RAB11FIP2: variants seen among roughly 807,000 people sequenced by gnomAD.
RAB11FIP2 encodes rab11 family-interacting protein 2.
RAB11FIP2 carries 16 observed loss-of-function variants against 40.9 expected under a neutral mutation model. The ratio of observed to expected loss-of-function variants is 0.39; its 90% CI spans 0.26 to 0.59. RAB11FIP2 has a LOEUF of 0.59. Among genes scored for constraint, RAB11FIP2 ranks in the 20% least tolerant of loss-of-function variants. The probability of loss-of-function intolerance (pLI) is 0.53; values close to 1 mark genes in which losing one functional copy is unlikely to be tolerated. For synonymous variants in RAB11FIP2, 228 were observed against 213.7 expected (o/e 1.07, Z -0.58); for missense variants, 532 against 606.2 (o/e 0.88, Z 1.28).
chr10:118,028,097 T>C (rs1036089888), intron 3 of RAB11FIP2, among the ~76,000 whole-genome samples: 2 of 152,140 alleles, frequency 1.3e-5, no homozygotes, highest in Admixed American at 6.5e-5. Context: ...TCATCCCCCA[T>C]ACCTCTCCAG....
intron 3 of RAB11FIP2, among the ~76,000 whole-genome samples, chr10:118,024,278 C>T (rs2133170624): frequency 6.6e-6 from 1 of 152,096 alleles, no homozygotes; most frequent in Non-Finnish European, 1.5e-5. Context: ...TACAATTTGA[C>T]ATCTCAAGTT....
chr10:118,016,780 A>G (rs1349424723), intron 3 of RAB11FIP2, among the ~76,000 whole-genome samples: 1 of 147,556 alleles, frequency 6.8e-6, no homozygotes, highest in African/African-American at 2.4e-5. Context: ...CTGCCCTGTG[A>G]CCTTGAGCAA....
chr10:118,024,210 T>G (rs1426911817), intron 3 of RAB11FIP2, among the ~76,000 whole-genome samples: 3 of 151,996 alleles, frequency 2.0e-5, no homozygotes, highest in African/African-American at 7.3e-5. Flanking sequence ...AAACTAAGCT[T>G]CTCACCCTTT....
At chr10:118,027,435 T>G (rs1425868994) in intron 3 of RAB11FIP2, among the ~76,000 whole-genome samples, 1 of 152,240 alleles carries the variant, frequency 6.6e-6, no homozygotes, top group East Asian at 1.9e-4. Context: ...TTCAGTATGA[T>G]TTTCATTTTT....
At chr10:118,023,926 T>C (rs571144652) in intron 3 of RAB11FIP2, among the ~76,000 whole-genome samples, 10 of 151,858 alleles carry the variant, frequency 6.6e-5, no homozygotes, top group South Asian at 6.3e-4. Flanking sequence ...CTGTCTCTAC[T>C]AAAAAATACA....
Position 118,009,178 on chromosome 10 carries a change from A to G in RAB11FIP2, c.1359T>C (p.Tyr453=). 6.2e-7 allele frequency: 1 copy of G among 1,613,580 alleles called. No homozygotes were observed. Among genetic ancestry groups the G allele is most frequent in the Non-Finnish European group, 8.5e-7 (1 of 1,179,588 alleles). Residue 453 remains tyrosine, a synonymous_variant, in exon 5 of 5, where the codon TAT becomes TAC. Coordinates refer to ENST00000355624, the MANE Select transcript of RAB11FIP2 (RefSeq NM_014904.3). ...TCACCAGCTCCTGTAGAACCTCTTC[A>G]TAGGTCAGACTACGATACCCTGCAG... ...DATAGYRSLT[Y]EEVLQELVKH...
At chr10:118,026,733 T>G (rs1289578452) in intron 3 of RAB11FIP2, among the ~76,000 whole-genome samples, 1 of 152,220 alleles carries the variant, frequency 6.6e-6, no homozygotes, top group African/African-American at 2.4e-5. Context: ...TCCTTATTAG[T>G]ACTATGAAAG....
intron 3 of RAB11FIP2, among the ~76,000 whole-genome samples, chr10:118,015,582 A>G (rs554075462): frequency 6.6e-6 from 1 of 152,322 alleles, no homozygotes; most frequent in African/African-American, 2.4e-5. Context: ...GCTTTCAAAC[A>G]TTACCCTATC....
At chr10:118,022,511 C>T (rs1188113647) in intron 3 of RAB11FIP2, among the ~76,000 whole-genome samples, 1 of 152,162 alleles carries the variant, frequency 6.6e-6, no homozygotes, top group Non-Finnish European at 1.5e-5. Flanking sequence ...TGCCCATCCC[C>T]TAATGCCAAG....
chr10:118,028,328 GTATT>G (rs752833844), intron 3 of RAB11FIP2, among the ~76,000 whole-genome samples: 3 of 150,368 alleles, frequency 2.0e-5, no homozygotes, highest in African/African-American at 4.9e-5. Context: ...ATATTTATAA[GTATT>G]TATTACATAG....
At chr10:118,021,003 T>C (rs1192840249) in intron 3 of RAB11FIP2, among the ~76,000 whole-genome samples, 1 of 152,162 alleles carries the variant, frequency 6.6e-6, no homozygotes, top group African/African-American at 2.4e-5. Context: ...AACTTTTTTT[T>C]TTCAAAATAT....
In RAB11FIP2 at chr10:118,045,975, C is replaced by G; in HGVS notation, c.189G>C (p.Glu63Asp). The G allele has an allele frequency of 6.2e-7, 1 of 1,614,170 alleles. No homozygotes were observed. Among genetic ancestry groups the G allele is most frequent in the Non-Finnish European group, 8.5e-7 (1 of 1,180,038 alleles). ...GCAATCCAGGTAGCTCGAAAGAGGC[C>G]TCCTCCTTCCAAACTGGCTCAAGGG... ...EKTLEPVWKE[E>D]ASFELPGLLI... The change falls in exon 1 of 5, where the codon GAG (glutamate) becomes GAC (aspartate). Residue 63 changes from glutamate (E) to aspartate (D), a missense_variant. Physicochemically the swap from Glu to Asp is conservative, Grantham distance 45 (BLOSUM62 2). Transcript: ENST00000355624.
intron 3 of RAB11FIP2, among the ~76,000 whole-genome samples, chr10:118,028,365 C>G (rs1539618): frequency 0.075 from 11,260 of 150,984 alleles, 764 homozygotes; most frequent in East Asian, 0.41. Context: ...TATATCATGT[C>G]AAAGACCAAG....
intron 3 of RAB11FIP2, among the ~76,000 whole-genome samples, chr10:118,019,554 T>G (rs554306879): frequency 6.6e-6 from 1 of 152,138 alleles, no homozygotes; most frequent in East Asian, 1.9e-4. Context: ...CTGGGCATGG[T>G]GGCTCATGCC....
chr10:118,040,369 A>G lies in RAB11FIP2; in HGVS notation c.550T>C (p.Ser184Pro). The change falls in exon 2 of 5, where the codon TCT becomes CCT. Residue 184 changes from serine (S) to proline (P), a missense_variant. By Grantham distance (74) the Ser-to-Pro change is moderately conservative. Coordinates refer to ENST00000355624, the MANE Select transcript of RAB11FIP2 (RefSeq NM_014904.3). ...RKNDGTFSDTSSAIIPSTHMP... is the reference protein window; with the variant it reads ...RKNDGTFSDTPSAIIPSTHMP... ...TGAGTACTTGGAATGATTGCAGAAGACGTATCAGAAAATGTTCCATCATTT... is the reference window on the plus strand; with the variant it reads ...TGAGTACTTGGAATGATTGCAGAAGGCGTATCAGAAAATGTTCCATCATTT... 3.1e-6 allele frequency: 5 copies of G among 1,613,800 alleles called. No homozygotes were observed. The highest frequency in any genetic ancestry group is 4.2e-6 in the Non-Finnish European group (5 of 1,179,722).
chr10:118,043,042 C>CT lies in RAB11FIP2; in HGVS notation c.354-2478dup, dbSNP rs140559164. On this transcript the variant is annotated intron_variant, in intron 1 of 4. Transcript: ENST00000355624. The stretch of plus-strand genomic sequence containing the variant: ...ATTTGGAGCTTACTGGATTAGCTGA[C>CT]TTTTTTTCACCTCTGGAGTACTGGA... Among the ~76,000 whole-genome samples the CT allele has an allele frequency of 2.6e-4, 39 of 152,188 alleles. 1 individual carries two copies. The highest frequency in any genetic ancestry group is 8.7e-4 in the African/African-American group (36 of 41,518).
chr10:118,021,827 C>T (rs1846286215), intron 3 of RAB11FIP2, among the ~76,000 whole-genome samples: 1 of 152,160 alleles, frequency 6.6e-6, no homozygotes, highest in Non-Finnish European at 1.5e-5. Context: ...TCCTCTTCAC[C>T]CTTAGGTGGG....
chr10:118,043,667 T>G (rs1291333752), intron 1 of RAB11FIP2: 1 of 152,204 alleles, frequency 6.6e-6, no homozygotes, highest in Non-Finnish European at 1.5e-5. Flanking sequence ...AGTGTCAAAA[T>G]GTAAAAAGTG....
intron 3 of RAB11FIP2, among the ~76,000 whole-genome samples, chr10:118,033,262 T>G (rs1452074569): frequency 1.3e-5 from 2 of 151,940 alleles, no homozygotes; most frequent in African/African-American, 4.8e-5. Flanking sequence ...CAGGGCCTAC[T>G]CACTAAAGAT....
Sources: allele counts gnomAD v4.1 joint callset (sites outside exome capture counted in the v4.1 genomes callset), GRCh38; gene constraint gnomAD v4.1.1; transcripts MANE v1.5; gene names NCBI Gene and HGNC (gene_info 2026-07-23, HGNC 2026-07-21).